Variants in CAST observed in about 807,000 individuals in gnomAD.
The protein encoded by CAST is calpastatin.
In CAST, 76 loss-of-function variants were observed where a neutral mutation model predicts 119.6. The observed-to-expected ratio is 0.64, with a 90% CI of 0.53 to 0.77. CAST has a LOEUF of 0.77. Among genes scored for constraint, CAST ranks in the 30% least tolerant of loss-of-function variants. The probability of loss-of-function intolerance (pLI) is 0.00; values close to 1 mark genes in which losing one functional copy is unlikely to be tolerated. For missense variants in CAST, 953 were observed against 946.5 expected (o/e 1.01, Z -0.09); for synonymous variants, 319 against 331.6 (o/e 0.96, Z 0.41).
chr5:96,355,161 C>CTGACAGTGGGGTGT, the CAST span, among the ~76,000 whole-genome samples: 1 of 152,082 alleles, frequency 6.6e-6, no homozygotes, highest in South Asian at 2.1e-4. Flanking sequence ...GGTATTCCTC[C>CTGACAGTGGGGTGT]TAATGCTATC....
chr5:96,094,909 G>C, the CAST span, among the ~76,000 whole-genome samples: 4 of 152,154 alleles, frequency 2.6e-5, no homozygotes, highest in Non-Finnish European at 4.4e-5. Context: ...GGCTACAAAA[G>C]TCTTCCTTAT....
At chr5:96,253,045 G>C in the CAST span, among the ~76,000 whole-genome samples, 1 of 152,100 alleles carries the variant, frequency 6.6e-6, no homozygotes, top group East Asian at 1.9e-4. Context: ...CATATCTCCT[G>C]TGTTCTAAAG....
At chr5:96,213,067 T>A in the CAST span, among the ~76,000 whole-genome samples, 1 of 152,138 alleles carries the variant, frequency 6.6e-6, no homozygotes, top group Non-Finnish European at 1.5e-5. Flanking sequence ...TATAGTGAGC[T>A]ATGATCATGC....
At chr5:96,722,346 C>A (rs1056428785) in intron 3 of CAST, among the ~76,000 whole-genome samples, 1 of 152,134 alleles carries the variant, frequency 6.6e-6, no homozygotes, top group Non-Finnish European at 1.5e-5. Flanking sequence ...AATAAACTTA[C>A]AAGGTAGTTG....
chr5:96,480,367 C>T, the CAST span, among the ~76,000 whole-genome samples: 2 of 152,086 alleles, frequency 1.3e-5, no homozygotes, highest in Non-Finnish European at 2.9e-5. Flanking sequence ...GAATAAGGAA[C>T]ATAGGGTGTG....
chr5:96,341,190 A>T, the CAST span, among the ~76,000 whole-genome samples: 1 of 152,282 alleles, frequency 6.6e-6, no homozygotes, highest in South Asian at 2.1e-4. Context: ...TTAGTAATGG[A>T]GAGTTGTGTC....
the CAST span, among the ~76,000 whole-genome samples, chr5:96,007,338 T>C: frequency 6.6e-6 from 1 of 152,230 alleles, no homozygotes; most frequent in Admixed American, 6.5e-5. Context: ...CAAGACTGGA[T>C]TAACCATCCT....
chr5:96,326,473 T>G, the CAST span, among the ~76,000 whole-genome samples: 7 of 152,188 alleles, frequency 4.6e-5, no homozygotes, highest in Admixed American at 3.3e-4. Flanking sequence ...CATAATTTTA[T>G]CTGTCAAACT....
At chr5:96,655,257 T>C (rs1748143762) in intron 1 of CAST, among the ~76,000 whole-genome samples, 1 of 152,102 alleles carries the variant, frequency 6.6e-6, no homozygotes, top group Non-Finnish European at 1.5e-5. Flanking sequence ...GAGATGTCTC[T>C]CGGAAGAACA....
chr5:96,721,405 A>G (rs1237661640), intron 3 of CAST, among the ~76,000 whole-genome samples: 2 of 152,086 alleles, frequency 1.3e-5, no homozygotes, highest in African/African-American at 4.8e-5. Flanking sequence ...TGGGCCATAG[A>G]CTATAGTGGG....
At chr5:96,564,804 A>AGGAGCCTGAGGTGGGAGGATCACT (rs1423044302) in intron 1 of CAST, among the ~76,000 whole-genome samples, 4 of 152,164 alleles carry the variant, frequency 2.6e-5, no homozygotes, top group African/African-American at 9.7e-5. Flanking sequence ...TCAACTACTC[A>AGGAGCCTGAGGTGGGAGGATCACT]GGAGCCTGAG....
the CAST span, among the ~76,000 whole-genome samples, chr5:96,133,649 A>C: frequency 1.2e-4 from 19 of 152,292 alleles, 1 homozygote; most frequent in South Asian, 3.9e-3. Context: ...GCTATAATAA[A>C]ATCTTCATTA....
At chr5:96,675,149 T>C (rs1750554533) in intron 1 of CAST, among the ~76,000 whole-genome samples, 1 of 152,208 alleles carries the variant, frequency 6.6e-6, no homozygotes, top group South Asian at 2.1e-4. Context: ...TGGAGGACAA[T>C]TGAGTCCATG....
the CAST span, among the ~76,000 whole-genome samples, chr5:96,366,154 C>T: frequency 2.0e-5 from 3 of 152,142 alleles, no homozygotes; most frequent in Non-Finnish European, 4.4e-5. Context: ...TGAATATTGG[C>T]CCCCACCCTC....
the CAST span, among the ~76,000 whole-genome samples, chr5:96,371,750 C>A: frequency 6.6e-6 from 1 of 152,174 alleles, no homozygotes; most frequent in African/African-American, 2.4e-5. Context: ...TGAGCCTAGA[C>A]AACCAGTCTA....
At chr5:96,193,108 TTTA>T in the CAST span, among the ~76,000 whole-genome samples, 1 of 152,216 alleles carries the variant, frequency 6.6e-6, no homozygotes, top group Non-Finnish European at 1.5e-5. Context: ...TGGAAAAATT[TTTA>T]TTGTCAATAT....
chr5:96,550,113 C>T (rs550043637), intron 1 of CAST, among the ~76,000 whole-genome samples: 3 of 152,358 alleles, frequency 2.0e-5, no homozygotes, highest in Non-Finnish European at 2.9e-5. Flanking sequence ...TCAAGTGGGT[C>T]CCTGACCCCC....
At chr5:96,754,783 A>G in intron 22 of CAST, 42 bp downstream of exon 22, 1 of 1,103,044 alleles carries the variant, frequency 9.1e-7, no homozygotes, top group Non-Finnish European at 1.4e-6. Flanking sequence ...TTTAATTCAT[A>G]CTGAATTCAT....
the CAST span, among the ~76,000 whole-genome samples, chr5:96,021,637 G>A: frequency 1.4e-4 from 21 of 151,968 alleles, no homozygotes; most frequent in South Asian, 6.3e-4. Flanking sequence ...TAGTAGAGGC[G>A]GGGTTTCACT....
Sources: allele counts gnomAD v4.1 joint callset (sites outside exome capture counted in the v4.1 genomes callset), GRCh38; gene constraint gnomAD v4.1.1; transcripts MANE v1.5; gene names NCBI Gene and HGNC (gene_info 2026-07-23, HGNC 2026-07-21).